RUNX1: variants seen among roughly 807,000 people sequenced by gnomAD.
RUNX1 encodes runt-related transcription factor 1.
RUNX1 carries 19 observed loss-of-function variants against 42.8 expected under a neutral mutation model. That is an observed-to-expected ratio of 0.44 (90% CI 0.31 to 0.65). RUNX1 has a LOEUF of 0.65. Ranked by LOEUF, RUNX1 falls within the 30% of genes least tolerant of loss-of-function variation. The probability of loss-of-function intolerance (pLI) is 0.07; values close to 1 mark genes in which losing one functional copy is unlikely to be tolerated. For missense variants in RUNX1, 528 were observed against 672.0 expected, an observed-to-expected ratio of 0.79 and a Z score of 2.37; for synonymous variants, 271 against 289.4, an observed-to-expected ratio of 0.94 and a Z score of 0.64.
intron 8 of RUNX1, among the ~76,000 whole-genome samples, chr21:34,796,557 G>C (rs2056530145): frequency 6.6e-6 from 1 of 152,182 alleles, no homozygotes; most frequent in Non-Finnish European, 1.5e-5. Flanking sequence ...GGGCTTAGGA[G>C]GTCCAGGTAT....
intron 2 of RUNX1, among the ~76,000 whole-genome samples, chr21:35,020,345 G>A (rs1438625061): frequency 1.3e-5 from 2 of 152,028 alleles, no homozygotes; most frequent in East Asian, 1.9e-4. Flanking sequence ...TGTGACCCAC[G>A]GGTAGAAAAC....
intron 2 of RUNX1, among the ~76,000 whole-genome samples, chr21:34,911,373 G>A (rs558945964): frequency 4.9e-4 from 75 of 152,292 alleles, no homozygotes; most frequent in Non-Finnish European, 8.7e-4. Flanking sequence ...AGCAACCCTG[G>A]GAGGGAGATC....
chr21:34,984,148 C>T (rs1398100131), intron 2 of RUNX1, among the ~76,000 whole-genome samples: 1 of 151,752 alleles, frequency 6.6e-6, no homozygotes, highest in East Asian at 1.9e-4. Flanking sequence ...CAAGGTGGAC[C>T]AGAGAGAGAA....
chr21:34,924,311 T>C lies in RUNX1; in HGVS notation c.59-31348A>G, dbSNP rs375709631. ...TCTGTGTTGGGAATATGGAGATGAA[T>C]GGAACACAGTCTCTTTCCTTAAGGT... On this transcript the variant is annotated intron_variant, in intron 2 of 8. Transcript: ENST00000675419. Among the ~76,000 whole-genome samples the C allele has an allele frequency of 2.4e-3, 360 of 152,334 alleles. 2 individuals are homozygous for C. The highest frequency in any genetic ancestry group is 7.3e-3 in the African/African-American group (303 of 41,582).
chr21:34,886,553 C>T (rs1289344788), intron 4 of RUNX1, among the ~76,000 whole-genome samples: 1 of 152,230 alleles, frequency 6.6e-6, no homozygotes, highest in Admixed American at 6.5e-5. Flanking sequence ...TGTATCAAAG[C>T]TAAGGCCCCT....
intron 2 of RUNX1, among the ~76,000 whole-genome samples, chr21:34,951,745 G>A (rs966928378): frequency 3.9e-5 from 6 of 152,226 alleles, no homozygotes; most frequent in Non-Finnish European, 7.3e-5. Flanking sequence ...TGGAGAGGAT[G>A]TGGAGAAATA....
chr21:34,796,037 G>A (rs894506403), intron 8 of RUNX1, among the ~76,000 whole-genome samples: 1 of 152,218 alleles, frequency 6.6e-6, no homozygotes, highest in Non-Finnish European at 1.5e-5. Context: ...TGCTCTGCCA[G>A]TAGGTTCCAA....
chr21:35,035,455 C>G (rs975454408), intron 2 of RUNX1, among the ~76,000 whole-genome samples: 1 of 152,184 alleles, frequency 6.6e-6, no homozygotes, highest in African/African-American at 2.4e-5. Context: ...CGAGTTCTGC[C>G]TCCTAGAAGC....
At chr21:34,988,162 C>T (rs1193562963) in intron 2 of RUNX1, among the ~76,000 whole-genome samples, 3 of 152,140 alleles carry the variant, frequency 2.0e-5, no homozygotes, top group East Asian at 1.9e-4. Context: ...TGCACCACAT[C>T]GGGTGCCAGC....
chr21:34,906,764 G>C (rs1018561911), intron 2 of RUNX1, among the ~76,000 whole-genome samples: 18 of 152,180 alleles, frequency 1.2e-4, no homozygotes, highest in African/African-American at 4.1e-4. Context: ...CCAGTTAAAG[G>C]GGATTTGCAA....
intron 2 of RUNX1, among the ~76,000 whole-genome samples, chr21:34,956,734 A>G (rs1421787154): frequency 1.3e-5 from 2 of 152,166 alleles, no homozygotes; most frequent in African/African-American, 2.4e-5. Context: ...CTGAATTGCT[A>G]GAACATTTGA....
At chr21:35,022,250 C>T (rs1266508346) in intron 2 of RUNX1, among the ~76,000 whole-genome samples, 1 of 152,156 alleles carries the variant, frequency 6.6e-6, no homozygotes, top group Admixed American at 6.5e-5. Flanking sequence ...GAAGCGTCTG[C>T]ACCAGGTGTG....
intron 2 of RUNX1, among the ~76,000 whole-genome samples, chr21:34,938,055 G>A (rs1255377451): frequency 1.3e-5 from 2 of 152,160 alleles, no homozygotes; most frequent in Non-Finnish European, 2.9e-5. Context: ...TTAGTGACAT[G>A]TATGGGTTCT....
At chr21:34,923,994 C>G (rs1206277531) in intron 2 of RUNX1, among the ~76,000 whole-genome samples, 1 of 152,216 alleles carries the variant, frequency 6.6e-6, no homozygotes, top group Admixed American at 6.5e-5. Flanking sequence ...TGTCTTCCCC[C>G]TCTTGAATCT....
chr21:34,963,034 T>C (rs2058692446), intron 2 of RUNX1, among the ~76,000 whole-genome samples: 1 of 152,210 alleles, frequency 6.6e-6, no homozygotes, highest in Non-Finnish European at 1.5e-5. Flanking sequence ...AAGGCGGTTC[T>C]AAGGAGCAGT....
chr21:34,865,285 T>TGC (rs1383399837), intron 5 of RUNX1, among the ~76,000 whole-genome samples: 1 of 79,646 alleles, frequency 1.3e-5, no homozygotes, highest in Non-Finnish European at 2.7e-5. Flanking sequence ...TGTGCGTGTG[T>TGC]GTGTGTGTGT....
At position 34,901,490 on chromosome 21, in the gene RUNX1, G is replaced by T. The variant is rs2058177273; in HGVS notation, c.59-8527C>A. On this transcript the variant is annotated intron_variant, in intron 2 of 8. Coordinates refer to ENST00000675419, the MANE Select transcript of RUNX1 (RefSeq NM_001754.5). The surrounding 1 kb of genome is among the most constrained non-coding windows in gnomAD (Gnocchi z 4.3). Reference sequence around the variant, plus strand: ...ATGGCACCACTGCACTCCAACCTGGGGGACAGAGCCAGATCCGTCTCAAAA... The same window carrying T: ...ATGGCACCACTGCACTCCAACCTGGTGGACAGAGCCAGATCCGTCTCAAAA... Among the ~76,000 whole-genome samples the T allele has an allele frequency of 6.6e-6, 1 of 151,930 alleles. No homozygotes were observed. The highest frequency in any genetic ancestry group is 6.6e-5 in the Admixed American group (1 of 15,254).
At chr21:34,880,324 G>A (rs931530656) in intron 5 of RUNX1, among the ~76,000 whole-genome samples, 8 of 152,082 alleles carry the variant, frequency 5.3e-5, no homozygotes, top group Admixed American at 4.6e-4. Flanking sequence ...CAATTCCTAC[G>A]TTGCATGTTC....
intron 7 of RUNX1, among the ~76,000 whole-genome samples, chr21:34,808,693 A>C (rs572322570): frequency 2.0e-5 from 3 of 152,174 alleles, no homozygotes; most frequent in Admixed American, 2.0e-4. Context: ...CGCAAAATGC[A>C]ATTCCTCATT....
Sources: gnomAD v4.1 joint callset for allele counts (sites outside exome capture counted in the v4.1 genomes callset) on GRCh38, gnomAD v4.1.1 for gene constraint, Gnocchi (gnomAD v3.1) non-coding constraint, MANE v1.5 for transcripts, NCBI Gene and HGNC (gene_info 2026-07-23, HGNC 2026-07-21) for gene names.